Variants in WWOX observed in about 807,000 individuals in gnomAD.
The protein encoded by WWOX is WW domain-containing oxidoreductase.
In WWOX, 69 loss-of-function variants were observed where a neutral mutation model predicts 46.2. The observed-to-expected ratio is 1.49, with a 90% CI of 1.23 to 1.82. The LOEUF is 1.82. Among genes scored for constraint, WWOX ranks in the 40% most tolerant of loss-of-function variants. The pLI is 0.00. For synonymous variants in WWOX, 359 were observed against 202.6 expected (o/e 1.77, Z -6.56); for missense variants, 919 against 542.6 (o/e 1.69, Z -6.89).
At chr16:79,094,534 G>A (rs1445726580) in intron 8 of WWOX, among the ~76,000 whole-genome samples, 2 of 152,120 alleles carry the variant, frequency 1.3e-5, no homozygotes, top group African/African-American at 4.8e-5. Context: ...TGACGGGTGT[G>A]AGCCACCGCA....
At chr16:78,485,904 C>A (rs996593574) in intron 8 of WWOX, among the ~76,000 whole-genome samples, 2 of 152,160 alleles carry the variant, frequency 1.3e-5, no homozygotes, top group African/African-American at 4.8e-5. Context: ...AAAGGGCAAG[C>A]CAGGAAGCTT....
chr16:78,797,234 C>G (rs7184456), intron 8 of WWOX, among the ~76,000 whole-genome samples: 36,574 of 151,548 alleles, frequency 0.24, 4,975 homozygotes, highest in East Asian at 0.37. Flanking sequence ...ATGAAGAGAA[C>G]CTGCTAAAGG....
chr16:78,675,581 A>G (rs2142216049), intron 8 of WWOX, among the ~76,000 whole-genome samples: 1 of 152,304 alleles, frequency 6.6e-6, no homozygotes, highest in East Asian at 1.9e-4. Context: ...GGCTCCACAG[A>G]GCAGTGAAAA....
At chr16:78,925,786 G>C (rs552285055) in intron 8 of WWOX, among the ~76,000 whole-genome samples, 2 of 152,238 alleles carry the variant, frequency 1.3e-5, no homozygotes, top group Admixed American at 1.3e-4. Context: ...TGAGGCTTTG[G>C]CCAATAAGAA....
chr16:78,460,946 G>C (rs2137098), intron 8 of WWOX, among the ~76,000 whole-genome samples: 1,859 of 152,102 alleles, frequency 0.012, 30 homozygotes, highest in South Asian at 0.049. Flanking sequence ...AGTGACAGGG[G>C]TATCAGTAAT....
At chr16:78,327,029 T>G (rs1450724950) in intron 5 of WWOX, among the ~76,000 whole-genome samples, 4 of 152,124 alleles carry the variant, frequency 2.6e-5, no homozygotes, top group Admixed American at 2.6e-4. Flanking sequence ...CATCCTTGGC[T>G]TCCTCGATCC....
chr16:78,421,977 A>G (rs2082944043), intron 6 of WWOX, among the ~76,000 whole-genome samples: 2 of 152,180 alleles, frequency 1.3e-5, no homozygotes, highest in South Asian at 2.1e-4. Flanking sequence ...CCAACTTTAT[A>G]CAAGATAATA....
intron 8 of WWOX, among the ~76,000 whole-genome samples, chr16:78,700,772 A>G (rs1489544398): frequency 3.3e-5 from 5 of 152,226 alleles, no homozygotes; most frequent in South Asian, 2.1e-4. Flanking sequence ...CATCGCTAGC[A>G]TGGTGCTTGG....
At chr16:78,290,870 T>C (rs2079847683) in intron 5 of WWOX, among the ~76,000 whole-genome samples, 1 of 152,234 alleles carries the variant, frequency 6.6e-6, no homozygotes, top group African/African-American at 2.4e-5. Flanking sequence ...GAGAAAGTTA[T>C]GAGAAGGCTT....
intron 8 of WWOX, among the ~76,000 whole-genome samples, chr16:79,063,296 C>T (rs942111665): frequency 6.6e-5 from 10 of 152,154 alleles, no homozygotes; most frequent in Non-Finnish European, 1.3e-4. Context: ...TCTTTATAGC[C>T]GTGTTTTTGA....
chr16:78,911,887 C>T (rs2045121495), intron 8 of WWOX, among the ~76,000 whole-genome samples: 1 of 151,960 alleles, frequency 6.6e-6, no homozygotes, highest in South Asian at 2.1e-4. Context: ...CTCAACGAAA[C>T]ACCCCAGCTT....
intron 8 of WWOX, among the ~76,000 whole-genome samples, chr16:78,657,467 C>G (rs2047107720): frequency 6.6e-6 from 1 of 152,138 alleles, no homozygotes; most frequent in Non-Finnish European, 1.5e-5. Flanking sequence ...CCAGGTGGTT[C>G]CCTGCCACTA....
intron 8 of WWOX, among the ~76,000 whole-genome samples, chr16:78,542,002 T>C (rs1033285695): frequency 2.0e-5 from 2 of 101,118 alleles, no homozygotes; most frequent in Non-Finnish European, 4.0e-5. Flanking sequence ...AGAGGGTTTC[T>C]TTCAACAGAG....
intron 8 of WWOX, among the ~76,000 whole-genome samples, chr16:78,964,810 T>G (rs2046335233): frequency 6.6e-6 from 1 of 152,210 alleles, no homozygotes; most frequent in South Asian, 2.1e-4. Context: ...TGGGTCCCTG[T>G]GCTGTGTGTA....
chr16:78,468,343 C>G (rs900504770), intron 8 of WWOX, among the ~76,000 whole-genome samples: 7 of 151,356 alleles, frequency 4.6e-5, no homozygotes, highest in African/African-American at 1.5e-4. Context: ...GTGCAGCCTG[C>G]TGGCTTCTCA....
At chr16:79,159,021 T>G (rs992432224) in intron 8 of WWOX, among the ~76,000 whole-genome samples, 3 of 152,200 alleles carry the variant, frequency 2.0e-5, no homozygotes, top group Non-Finnish European at 4.4e-5. Context: ...AAGAACAATT[T>G]CCTAAAGCAG....
intron 8 of WWOX, among the ~76,000 whole-genome samples, chr16:78,908,541 G>GAAAA (rs111272074): frequency 1.4e-4 from 21 of 146,074 alleles, no homozygotes; most frequent in Non-Finnish European, 6.0e-5. Context: ...CTCTGTCTCG[G>GAAAA]AAAAAAAAAA....
chr16:78,632,334 A>G (rs953463476), intron 8 of WWOX, among the ~76,000 whole-genome samples: 3 of 152,168 alleles, frequency 2.0e-5, no homozygotes, highest in African/African-American at 7.2e-5. Flanking sequence ...TTTGACACAG[A>G]GTAGGTCAGC....
intron 6 of WWOX, among the ~76,000 whole-genome samples, chr16:78,392,801 T>C (rs2082204440): frequency 6.6e-6 from 1 of 152,086 alleles, no homozygotes; most frequent in African/African-American, 2.4e-5. Flanking sequence ...CCAAAGCCAG[T>C]TTTCTTCAGG....
Sources: allele counts gnomAD v4.1 joint callset (sites outside exome capture counted in the v4.1 genomes callset), GRCh38; gene constraint gnomAD v4.1.1; transcripts MANE v1.5; gene names NCBI Gene and HGNC (gene_info 2026-07-23, HGNC 2026-07-21).